Variants in SENP5 observed in about 807,000 individuals in gnomAD.
SENP5 encodes SUMO specific peptidase 5.
In SENP5, 21 loss-of-function variants were observed where a neutral mutation model predicts 74.2. The ratio of observed to expected loss-of-function variants is 0.28; its 90% confidence interval spans 0.20 to 0.41. The LOEUF (loss-of-function observed/expected upper bound fraction) is 0.41. SENP5 is among the 10% of genes least tolerant of loss of function. The pLI, the probability that SENP5 is intolerant of heterozygous loss-of-function variation, is 1.00. For synonymous variants in SENP5, 311 were observed against 312.7 expected, an observed-to-expected ratio of 0.99 and a Z score of 0.06; for missense variants, 717 against 889.1, an observed-to-expected ratio of 0.81 and a Z score of 2.46.
rs142731278 is a variant in SENP5 at position 196,896,437 on chromosome 3, C to T, written c.1514-3229C>T. ...AACAACCTCTCAAAGCTTCTAATGT[C>T]TCCATTTGATTGACTGGTTGATTGA... On this transcript the variant is annotated intron_variant, in intron 2 of 9. Coordinates refer to ENST00000323460, the MANE Select transcript of SENP5 (RefSeq NM_152699.5). Among the ~76,000 whole-genome samples, 875 of 147,490 alleles carry T rather than the reference C, an allele frequency of 5.9e-3. 2 individuals are homozygous for T. Among genetic ancestry groups the T allele is most frequent in the Non-Finnish European group, 0.01 (670 of 66,562 alleles).
At chr3:196,914,639 G>T (rs1715298995) in intron 6 of SENP5, 1 of 132,870 alleles carries the variant, frequency 7.5e-6, no homozygotes, top group Non-Finnish European at 1.6e-5. Context: ...ATATGTGTGT[G>T]GGGAGGGGTT....
Position 196,931,176 on chromosome 3 carries a change from C to T in SENP5, c.*253C>T, listed in dbSNP as rs893634620. On this transcript the variant is annotated 3_prime_UTR_variant, in exon 10 of 10. Coordinates refer to ENST00000323460, the MANE Select transcript of SENP5 (RefSeq NM_152699.5). ...CCATATTTAATATTTATTATTCAAA[C>T]GCATGCATATAGACAGAGCATGCAG... The T allele has an allele frequency of 9.4e-6, 4 of 427,646 alleles. No homozygotes were observed. Among genetic ancestry groups the T allele is most frequent in the African/African-American group, 4.0e-5 (2 of 49,688 alleles). 26.5% of individuals were successfully genotyped at this position (427,646 alleles called of 1,614,324 possible).
chr3:196,873,700 T>C (rs974787561), intron 1 of SENP5, among the ~76,000 whole-genome samples: 5 of 150,998 alleles, frequency 3.3e-5, no homozygotes, highest in Non-Finnish European at 7.4e-5. Context: ...ATTAGCCGGG[T>C]GTGGTGGCGG....
rs374554425 is a variant in SENP5 at position 196,886,369 on chromosome 3, T to C, written c.1188T>C (p.Thr396=). 1.9e-6 allele frequency: 3 copies of C among 1,613,068 alleles called. No homozygotes were observed. The highest frequency in any genetic ancestry group is 2.7e-5 in the African/African-American group (2 of 74,890). Residue 396 remains threonine (T), a synonymous_variant, in exon 2 of 10, where the codon ACT becomes ACC. Coordinates refer to ENST00000323460, the MANE Select transcript of SENP5 (RefSeq NM_152699.5). ...CAGAAACTGAAAGAGAAATTATGAC[T>C]CTGGGTCAGGAAAATCAGACAAGTT... ...FISETEREIM[T]LGQENQTSSV...
At chr3:196,908,789 C>T (rs1442106937) in intron 6 of SENP5, among the ~76,000 whole-genome samples, 6 of 151,656 alleles carry the variant, frequency 4.0e-5, no homozygotes, top group Admixed American at 2.6e-4. Context: ...CGCCATTGCA[C>T]TCCAGCCTGG....
rs564358517 is a variant in SENP5, at chr3:196,891,475, A to G, written c.1513+4781A>G. Among the ~76,000 whole-genome samples, 5 of 152,310 alleles carry G rather than the reference A, an allele frequency of 3.3e-5. No homozygotes were observed. In the East Asian group the frequency reaches 9.6e-4, roughly 29 times the overall value. Reference sequence around the variant, plus strand: ...ATCTCAATAAAGCTGTTAAAAAGAAACAAATATAGGCCGGCCATGGTGGCT... The same window carrying G: ...ATCTCAATAAAGCTGTTAAAAAGAAGCAAATATAGGCCGGCCATGGTGGCT... On this transcript the variant is annotated intron_variant, in intron 2 of 9. Transcript: ENST00000323460.
Position 196,931,103 on chromosome 3 carries a change from T to G in SENP5, c.*180T>G, listed in dbSNP as rs567905091. The G allele has an allele frequency of 1.6e-5, 9 of 573,596 alleles. No individual in the cohort carries two copies. Among genetic ancestry groups the G allele is most frequent in the Middle Eastern group, 3.8e-4 (1 of 2,610 alleles). The allele number at this position is 573,596 out of a possible 1,614,324, so 35.5% of individuals were successfully genotyped here. On this transcript the variant is annotated 3_prime_UTR_variant, in exon 10 of 10. Coordinates refer to ENST00000323460, the MANE Select transcript of SENP5 (RefSeq NM_152699.5). ...TCTCCAGCTACCATGTACTATTGTT[T>G]AATGTTCAGTTTGGTTTCATTTTTA...
intron 7 of SENP5, among the ~76,000 whole-genome samples, chr3:196,926,056 A>G (rs1355899770): frequency 1.3e-5 from 2 of 151,422 alleles, no homozygotes; most frequent in Non-Finnish European, 1.5e-5. Flanking sequence ...TGTAGATTCC[A>G]TGACAGCAGA....
chr3:196,932,076 C>A lies in SENP5; in HGVS notation c.*1153C>A. 3.8e-6 allele frequency: 1 copy of A among 263,542 alleles called. No homozygotes were observed. The highest frequency in any genetic ancestry group is 5.6e-5 in the Admixed American group (1 of 17,722). 16.3% of individuals were successfully genotyped at this position (263,542 alleles called of 1,614,324 possible). On this transcript the variant is annotated 3_prime_UTR_variant, in exon 10 of 10. Coordinates refer to ENST00000323460, the MANE Select transcript of SENP5 (RefSeq NM_152699.5). ...CTGACACTAGCACAGCTGTTCTTCTCCTTCTGTTGAACCTCATCTTCTGAA... is the reference window on the plus strand; with the variant it reads ...CTGACACTAGCACAGCTGTTCTTCTACTTCTGTTGAACCTCATCTTCTGAA...
At chr3:196,872,865 A>C (rs1713276827) in intron 1 of SENP5, among the ~76,000 whole-genome samples, 1 of 152,136 alleles carries the variant, frequency 6.6e-6, no homozygotes. Flanking sequence ...TCTAGTCTAG[A>C]GAAGAAGACT....
chr3:196,881,453 G>C (rs1713722333), intron 1 of SENP5, among the ~76,000 whole-genome samples: 1 of 152,098 alleles, frequency 6.6e-6, no homozygotes, highest in African/African-American at 2.4e-5. Context: ...CTAACAAAGT[G>C]TGGAAAGGCC....
chr3:196,886,133 G>A lies in SENP5; in HGVS notation c.952G>A (p.Gly318Arg). Residue 318 changes from glycine (G) to arginine (R), a missense_variant, in exon 2 of 10, where the codon GGG (glycine) becomes AGG (arginine). Physicochemically the swap from Gly to Arg is moderately radical, Grantham distance 125 (BLOSUM62 -2). Around this residue, in one of 4 missense-constraint regions of SENP5, gnomAD observed 567 missense variants for 577.4 expected, o/e 0.98. Coordinates refer to ENST00000323460, the MANE Select transcript of SENP5 (RefSeq NM_152699.5). Reference sequence around the variant, plus strand: ...TATGGACAGCAGTGCTGTGGTGAAGGGGACGAACTCTCATGTGCCTGATTG... The same window carrying A: ...TATGGACAGCAGTGCTGTGGTGAAGAGGACGAACTCTCATGTGCCTGATTG... ...PDMDSSAVVK[G>R]TNSHVPDCHT... The A allele has an allele frequency of 2.5e-6, 4 of 1,614,174 alleles. No homozygotes were observed. The highest frequency in any genetic ancestry group is 3.4e-6 in the Non-Finnish European group (4 of 1,180,032).
chr3:196,900,075 T>C lies in SENP5; in HGVS notation c.1758+13T>C. On this transcript the variant is annotated intron_variant, in intron 4 of 9. Coordinates refer to ENST00000323460, the MANE Select transcript of SENP5 (RefSeq NM_152699.5). The stretch of plus-strand genomic sequence containing the variant: ...GCTGAATGACCAGGTTAGTATATTG[T>C]AGTTTTTCAGTGTGGAGAAGTTGCA... 6.2e-7 allele frequency: 1 copy of C among 1,604,924 alleles called. No homozygotes were observed. Among genetic ancestry groups the C allele is most frequent in the African/African-American group, 1.3e-5 (1 of 74,706 alleles).
chr3:196,871,639 C>A (rs998025086), intron 1 of SENP5, among the ~76,000 whole-genome samples: 1 of 151,998 alleles, frequency 6.6e-6, no homozygotes, highest in Non-Finnish European at 1.5e-5. Context: ...GTGGGTTGAT[C>A]ACCTGAGGTC....
Position 196,886,514 on chromosome 3 carries a change from G to A in SENP5, c.1333G>A (p.Asp445Asn). Residue 445 changes from aspartate to asparagine, a missense_variant, in exon 2 of 10, where the codon GAT (aspartate) becomes AAT (asparagine). By Grantham distance (23) the Asp-to-Asn change is conservative (BLOSUM62 1). This residue lies in a region of SENP5 where 567 missense variants were observed against 577.4 expected (regional missense o/e 0.98). Coordinates refer to ENST00000323460, the MANE Select transcript of SENP5 (RefSeq NM_152699.5). The part of the protein sequence containing the change: ...QNENSYQMEE[D>N]GSLKQSILSS... ...TGAGAACTCATACCAGATGGAGGAG[G>A]ATGGATCTCTCAAGCAGAGCATTCT... is the stretch of plus-strand genomic sequence containing the variant. The A allele has an allele frequency of 6.2e-7, 1 of 1,613,524 alleles. No homozygotes were observed. Among genetic ancestry groups the A allele is most frequent in the Non-Finnish European group, 8.5e-7 (1 of 1,179,808 alleles).
At chr3:196,905,925 A>G (rs1250268916) in intron 6 of SENP5, among the ~76,000 whole-genome samples, 2 of 152,090 alleles carry the variant, frequency 1.3e-5, no homozygotes, top group Non-Finnish European at 2.9e-5. Flanking sequence ...TCATCAACAT[A>G]CAAAAAGACA....
At chr3:196,902,782 T>TG (rs1714750180) in intron 5 of SENP5, among the ~76,000 whole-genome samples, 1 of 152,244 alleles carries the variant, frequency 6.6e-6, no homozygotes, top group Non-Finnish European at 1.5e-5. Flanking sequence ...CCTGATACTC[T>TG]GTACAGCCAG....
chr3:196,927,656 AT>A, intron 7 of SENP5, 139 bp from the exon 8 acceptor site: 4 of 504,488 alleles, frequency 7.9e-6, no homozygotes, highest in Non-Finnish European at 1.4e-5. Context: ...AAAAAAAAAA[AT>A]TGTTCCAGCT....
chr3:196,898,008 CA>C (rs139806461), intron 2 of SENP5, among the ~76,000 whole-genome samples: 33,566 of 138,692 alleles, frequency 0.24, 4,016 homozygotes, highest in South Asian at 0.39. Context: ...CCCGTCTCTA[CA>C]AAAAAAAAAA....
Sources: allele counts gnomAD v4.1 joint callset (sites outside exome capture counted in the v4.1 genomes callset), GRCh38; gene constraint gnomAD v4.1.1; regional missense constraint gnomAD v4.1.1; transcripts MANE v1.5; gene names NCBI Gene and HGNC (gene_info 2026-07-23, HGNC 2026-07-21).